SULT2A1: variants seen among roughly 807,000 people sequenced by gnomAD.
The protein encoded by SULT2A1 is sulfotransferase 2A1.
Under a neutral mutation model 33.9 loss-of-function variants are expected in SULT2A1, and 43 were observed. The ratio of observed to expected loss-of-function variants is 1.27; its 90% confidence interval spans 1.00 to 1.64. The LOEUF (loss-of-function observed/expected upper bound fraction) is 1.64, where lower values mean the gene tolerates loss of function less well. Among genes scored for constraint, SULT2A1 ranks in the 40% most tolerant of loss-of-function variants. The pLI, the probability that SULT2A1 is intolerant of heterozygous loss-of-function variation, is 0.00. For missense variants in SULT2A1, 300 were observed against 335.1 expected, an observed-to-expected ratio of 0.90 and a Z score of 0.82; for synonymous variants, 125 against 113.6, an observed-to-expected ratio of 1.10 and a Z score of -0.64.
In SULT2A1 at chr19:47,874,821, G is replaced by C; in HGVS notation, c.581C>G (p.Thr194Ser). Residue 194 changes from threonine to serine, a missense_variant, in exon 5 of 6, where the codon ACC (threonine) becomes AGC (serine). By Grantham distance (58) the Thr-to-Ser change is moderately conservative. Coordinates refer to ENST00000222002, the MANE Select transcript of SULT2A1 (RefSeq NM_003167.4). ...YEELKQDTGR[T>S]IEKICQFLGK... ...CAGGAATTGACAGATCTTCTCTATGGTTCTTCCTGTGTCCTAAAAAAGAAA... is the reference window on the plus strand; with the variant it reads ...CAGGAATTGACAGATCTTCTCTATGCTTCTTCCTGTGTCCTAAAAAAGAAA... 1.2e-6 allele frequency: 2 copies of C among 1,613,406 alleles called. No homozygotes were observed. The highest frequency in any genetic ancestry group is 2.2e-5 in the South Asian group (2 of 90,914).
chr19:47,876,768 T>TCAAA (rs1568638041), intron 4 of SULT2A1, among the ~76,000 whole-genome samples: 1 of 85,592 alleles, frequency 1.2e-5, no homozygotes, highest in African/African-American at 4.7e-5. Context: ...AGACTCTGTC[T>TCAAA]AAAAAAAAAA....
rs545268404 is a variant in SULT2A1, at chr19:47,878,844, G to C, written c.567+192C>G. Among the ~76,000 whole-genome samples, 3 of 152,178 alleles carry C rather than the reference G, an allele frequency of 2.0e-5. No homozygotes were observed. The East Asian group carries it at 5.8e-4, about 30-fold the overall frequency. Reference sequence around the variant, plus strand: ...TGTTTTAAGATAAAATAAGGAGCGTGAAGCTTGGGCAAGGGTCAACCAGAA... The same window carrying C: ...TGTTTTAAGATAAAATAAGGAGCGTCAAGCTTGGGCAAGGGTCAACCAGAA... On this transcript the variant is annotated intron_variant, in intron 4 of 5. Coordinates refer to ENST00000222002, the MANE Select transcript of SULT2A1 (RefSeq NM_003167.4).
chr19:47,873,705 G>C (rs914620351), intron 5 of SULT2A1, among the ~76,000 whole-genome samples: 2 of 128,832 alleles, frequency 1.6e-5, no homozygotes, highest in Non-Finnish European at 3.1e-5. Context: ...CTCACTGCAA[G>C]CTCCGCCTCC....
At chr19:47,883,116 A>G (rs1226271353) in intron 2 of SULT2A1, among the ~76,000 whole-genome samples, 1 of 152,070 alleles carries the variant, frequency 6.6e-6, no homozygotes, top group Admixed American at 6.6e-5. Context: ...TACAGAGCCC[A>G]GTCCTGGCCC....
chr19:47,885,979 C>T, intron 1 of SULT2A1, 143 bp downstream of exon 1: 3 of 1,041,634 alleles, frequency 2.9e-6, no homozygotes, highest in Non-Finnish European at 4.1e-6. Context: ...ATCCTTTTCT[C>T]TGATTGTCAA....
chr19:47,879,207 C>A, intron 3 of SULT2A1, 77 bp from the exon 4 acceptor site: 2 of 862,388 alleles, frequency 2.3e-6, no homozygotes, highest in South Asian at 1.4e-5. Context: ...GTTCATCCCC[C>A]CACCGGCTTG....
intron 3 of SULT2A1, among the ~76,000 whole-genome samples, chr19:47,879,695 C>CACAT (rs1968582989): frequency 1.4e-5 from 2 of 148,066 alleles, no homozygotes; most frequent in African/African-American, 5.0e-5. Context: ...AACCAAACAC[C>CACAT]ACATATTCTC....
chr19:47,884,329 G>A (rs1326843911), intron 1 of SULT2A1, among the ~76,000 whole-genome samples: 3 of 150,834 alleles, frequency 2.0e-5, no homozygotes, highest in African/African-American at 7.3e-5. Context: ...CCACCACCAC[G>A]TCTGGCTAAT....
At chr19:47,877,205 T>G (rs959095212) in intron 4 of SULT2A1, among the ~76,000 whole-genome samples, 14 of 141,334 alleles carry the variant, frequency 9.9e-5, no homozygotes, top group Non-Finnish European at 1.6e-4. Flanking sequence ...TGGTGTTATT[T>G]TCTCTTTTAT....
intron 1 of SULT2A1, 62 bp downstream of exon 1, chr19:47,886,060 A>G: frequency 1.9e-6 from 3 of 1,583,854 alleles, no homozygotes; most frequent in South Asian, 2.3e-5. Flanking sequence ...AACTCCAATC[A>G]TGCACTGAAT....
At chr19:47,872,981 C>T (rs957404645) in intron 5 of SULT2A1, among the ~76,000 whole-genome samples, 19 of 151,316 alleles carry the variant, frequency 1.3e-4, no homozygotes, top group South Asian at 2.1e-4. Context: ...AGGCTGGTCT[C>T]GAACTCCTGA....
At chr19:47,873,947 A>T (rs972840956) in intron 5 of SULT2A1, among the ~76,000 whole-genome samples, 4 of 151,576 alleles carry the variant, frequency 2.6e-5, no homozygotes, top group Non-Finnish European at 5.9e-5. Flanking sequence ...CTCTATGCTA[A>T]CTCACCAGTG....
In SULT2A1 at chr19:47,882,069, T is replaced by C. The variant is rs373568264; in HGVS notation, c.472+15A>G. ...AGAAGACTCCAAGCACCCCCATATT[T>C]TGTGAAACACTCACCAGTTCCTTGA... On this transcript the variant is annotated intron_variant, in intron 3 of 5. Transcript: ENST00000222002. 2 of 1,612,878 alleles carry C rather than the reference T, an allele frequency of 1.2e-6. No homozygotes were observed. Among genetic ancestry groups the C allele is most frequent in the Non-Finnish European group, 1.7e-6 (2 of 1,179,640 alleles).
intron 3 of SULT2A1, among the ~76,000 whole-genome samples, chr19:47,880,409 C>A (rs569948741): frequency 6.2e-4 from 94 of 151,788 alleles, no homozygotes; most frequent in African/African-American, 2.2e-3. Context: ...GATTACAATT[C>A]GAGATGAGAT....
chr19:47,884,983 T>TG (rs201875144), intron 1 of SULT2A1, among the ~76,000 whole-genome samples: 2,747 of 151,958 alleles, frequency 0.018, 66 homozygotes, highest in African/African-American at 0.063. Context: ...GGCTAATTTT[T>TG]TATTTTTAGT....
At chr19:47,882,266 TG>T in intron 2 of SULT2A1, 56 bp from the exon 3 acceptor site, 1 of 1,568,108 alleles carries the variant, frequency 6.4e-7, no homozygotes. Flanking sequence ...TCACTCTTTT[TG>T]ATCTTCACAA....
intron 3 of SULT2A1, among the ~76,000 whole-genome samples, chr19:47,879,454 C>A (rs376882699): frequency 6.6e-6 from 1 of 152,000 alleles, no homozygotes; most frequent in Non-Finnish European, 1.5e-5. Flanking sequence ...AGGAAACTCA[C>A]AATCATGGAG....
Position 47,874,809 on chromosome 19 carries a change from ATCT to A in SULT2A1, c.590_592del (p.Lys197del). On this transcript the variant is annotated inframe_deletion, in exon 5 of 6. Coordinates refer to ENST00000222002, the MANE Select transcript of SULT2A1 (RefSeq NM_003167.4). ...TAACGTCTTTCCCAGGAATTGACAGATCTTCTCTATGGTTCTTCCTGTGTCCTA... is the reference window on the plus strand; with the variant it reads ...TAACGTCTTTCCCAGGAATTGACAGATCTCTATGGTTCTTCCTGTGTCCTA... 1.2e-6 allele frequency: 2 copies of A among 1,614,084 alleles called. No homozygotes were observed. Among genetic ancestry groups the A allele is most frequent in the South Asian group, 1.1e-5 (1 of 91,068 alleles).
intron 3 of SULT2A1, among the ~76,000 whole-genome samples, chr19:47,880,007 C>T (rs1220304948): frequency 1.3e-5 from 2 of 151,724 alleles, no homozygotes; most frequent in South Asian, 2.1e-4. Flanking sequence ...GAGGCCGAGG[C>T]GGGCGGATCA....
Sources: gnomAD v4.1 joint callset for allele counts (sites outside exome capture counted in the v4.1 genomes callset) on GRCh38, gnomAD v4.1.1 for gene constraint, MANE v1.5 for transcripts, NCBI Gene and HGNC (gene_info 2026-07-23, HGNC 2026-07-21) for gene names.